The following CERT1 variants were observed in gnomAD, a reference collection of about 807,000 sequenced individuals.
The protein encoded by CERT1 is ceramide transporter 1, also known as ceramide transfer protein.
In CERT1, 31 loss-of-function variants were observed where a neutral mutation model predicts 87.9. The observed-to-expected ratio is 0.35, with a 90% confidence interval of 0.27 to 0.48. The LOEUF (loss-of-function observed/expected upper bound fraction) is 0.48, where lower values mean the gene tolerates loss of function less well. Ranked by LOEUF, CERT1 falls within the 20% of genes least tolerant of loss-of-function variation. The pLI, the probability that CERT1 is intolerant of heterozygous loss-of-function variation, is 0.99. For synonymous variants in CERT1, 289 were observed against 250.9 expected (o/e 1.15, Z -1.44); for missense variants, 487 against 758.0 (o/e 0.64, Z 4.20).
chr5:75,488,768 C>G (rs1399911782), intron 2 of CERT1, among the ~76,000 whole-genome samples: 1 of 152,222 alleles, frequency 6.6e-6, no homozygotes, highest in African/African-American at 2.4e-5. Context: ...TATATTTGAT[C>G]TAACAGTTTT....
At chr5:75,405,802 C>T (rs1275238929) in intron 8 of CERT1, among the ~76,000 whole-genome samples, 1 of 145,404 alleles carries the variant, frequency 6.9e-6, no homozygotes, top group Non-Finnish European at 1.5e-5. Flanking sequence ...CAGGTACATA[C>T]ATATAGGAAA....
rs1561317370 is a variant in CERT1 at position 75,511,323 on chromosome 5, G to A, written c.-116C>T. On this transcript the variant is annotated 5_prime_UTR_variant, in exon 1 of 17. Transcript: ENST00000643780. ...TGGCGAAGCGAAGAGTGCCCGCTCC[G>A]GTGTGGGGGGGAGCAGGAGGAGGGA... 1.9e-6 allele frequency: 3 copies of A among 1,547,894 alleles called. No homozygotes were observed. The highest frequency in any genetic ancestry group is 2.6e-6 in the Non-Finnish European group (3 of 1,146,404).
chr5:75,379,368 G>A lies in CERT1; in HGVS notation c.1853C>T (p.Ala618Val). The A allele has an allele frequency of 1.2e-6, 2 of 1,613,398 alleles. No individual in the cohort carries two copies. The highest frequency in any genetic ancestry group is 1.7e-6 in the Non-Finnish European group (2 of 1,179,490). The change falls in exon 17 of 17, where the codon GCA becomes GTA. Residue 618 changes from alanine (A) to valine (V), a missense_variant. Physicochemically the swap from Ala to Val is moderately conservative, Grantham distance 64. Coordinates refer to ENST00000643780, the MANE Select transcript of CERT1 (RefSeq NM_001379029.1). ...ATACTAGAACAAAATAGGCTTTCCT[G>A]CAGTTTTTTCTTGGACGTAAGAAGT... ...RFTSYVQEKT[A>V]GKPILF
chr5:75,424,077 C>G (rs1763499174), intron 5 of CERT1, among the ~76,000 whole-genome samples: 1 of 152,036 alleles, frequency 6.6e-6, no homozygotes, highest in African/African-American at 2.4e-5. Flanking sequence ...AGTGAAAAAG[C>G]TGAAGAACAA....
intron 2 of CERT1, among the ~76,000 whole-genome samples, chr5:75,460,612 C>T (rs1765184000): frequency 1.3e-5 from 2 of 152,174 alleles, no homozygotes; most frequent in Non-Finnish European, 1.5e-5. Flanking sequence ...AATATCCTCT[C>T]CTAAAAAGAT....
intron 11 of CERT1, among the ~76,000 whole-genome samples, chr5:75,391,435 CTAAA>C (rs1406768794): frequency 2.6e-5 from 4 of 152,124 alleles, no homozygotes; most frequent in African/African-American, 4.8e-5. Context: ...TACTTTTGTA[CTAAA>C]TAAACACTAA....
intron 11 of CERT1, among the ~76,000 whole-genome samples, chr5:75,392,050 T>C (rs1017845732): frequency 6.6e-6 from 1 of 152,208 alleles, no homozygotes; most frequent in Non-Finnish European, 1.5e-5. Flanking sequence ...GTTTGGGAGA[T>C]TATTCTGAAT....
intron 12 of CERT1, among the ~76,000 whole-genome samples, chr5:75,386,649 T>C (rs17562727): frequency 0.018 from 2,785 of 152,316 alleles, 40 homozygotes; most frequent in Non-Finnish European, 0.027. Context: ...CATGTCATCA[T>C]GGGGGAGAAC....
intron 2 of CERT1, among the ~76,000 whole-genome samples, chr5:75,470,307 T>C (rs1434386581): frequency 6.6e-6 from 1 of 152,134 alleles, no homozygotes; most frequent in East Asian, 1.9e-4. Context: ...ACAAAACAAA[T>C]CTTAACAAAT....
chr5:75,388,670 G>A, intron 12 of CERT1, among the ~76,000 whole-genome samples: 1 of 137,222 alleles, frequency 7.3e-6, no homozygotes, highest in Non-Finnish European at 1.6e-5. Context: ...TTGTGACCCA[G>A]GCTAGAGTGC....
At chr5:75,451,636 G>C (rs1371515208) in intron 3 of CERT1, among the ~76,000 whole-genome samples, 1 of 152,204 alleles carries the variant, frequency 6.6e-6, no homozygotes, top group African/African-American at 2.4e-5. Flanking sequence ...GATAAGTATA[G>C]AGAGGGTATC....
Position 75,419,530 on chromosome 5 carries a change from G to A in CERT1, c.596-106C>T, listed in dbSNP as rs1763284815. 5.4e-6 allele frequency: 4 copies of A among 741,024 alleles called. No individual in the cohort carries two copies. The Admixed American group carries it at 1.0e-4, about 18-fold the overall frequency. The allele number at this position is 741,024 out of a possible 1,614,324, so 45.9% of individuals were successfully genotyped here. The stretch of plus-strand genomic sequence containing the variant: ...TACTCTGGATTCTGATTCTGAGTAT[G>A]AAGTCTTACTCATCTTTGTATTTTC... On this transcript the variant is annotated intron_variant, in intron 5 of 16. Coordinates refer to ENST00000643780, the MANE Select transcript of CERT1 (RefSeq NM_001379029.1).
intron 2 of CERT1, among the ~76,000 whole-genome samples, chr5:75,489,333 A>C (rs1256316285): frequency 6.6e-6 from 1 of 152,260 alleles, no homozygotes; most frequent in Non-Finnish European, 1.5e-5. Context: ...GGACATAGGC[A>C]TTGGCAAAGG....
intron 8 of CERT1, among the ~76,000 whole-genome samples, chr5:75,405,872 TGGGG>T (rs141912723): frequency 1.7e-4 from 20 of 120,756 alleles, no homozygotes; most frequent in Admixed American, 9.5e-4. Context: ...CTGCAGTTAC[TGGGG>T]GGGGGGGGGG....
intron 8 of CERT1, 50 bp from the exon 9 acceptor site, chr5:75,403,108 A>G: frequency 1.7e-6 from 2 of 1,203,640 alleles, no homozygotes; most frequent in Non-Finnish European, 2.4e-6. Flanking sequence ...AAGAAACAGA[A>G]AACTCTGATA....
chr5:75,456,870 C>T (rs1011175190), intron 3 of CERT1, among the ~76,000 whole-genome samples: 2 of 151,944 alleles, frequency 1.3e-5, no homozygotes, highest in Non-Finnish European at 2.9e-5. Context: ...ATATATACTT[C>T]GTGCATTAAT....
chr5:75,471,174 T>C, intron 2 of CERT1, among the ~76,000 whole-genome samples: 1 of 152,166 alleles, frequency 6.6e-6, no homozygotes, highest in East Asian at 1.9e-4. Context: ...GGATGTGTTC[T>C]GAGAAATATG....
At chr5:75,412,404 C>A (rs537650044) in intron 7 of CERT1, among the ~76,000 whole-genome samples, 5 of 152,302 alleles carry the variant, frequency 3.3e-5, no homozygotes, top group Non-Finnish European at 5.9e-5. Flanking sequence ...AAAAACACTA[C>A]TCTGAAGAGC....
intron 3 of CERT1, among the ~76,000 whole-genome samples, chr5:75,431,852 T>C (rs1326469784): frequency 2.0e-5 from 3 of 152,156 alleles, no homozygotes; most frequent in Admixed American, 2.0e-4. Context: ...GTTTTTGCTA[T>C]TGTGAAAAAT....
Sources: gnomAD v4.1 joint callset for allele counts (sites outside exome capture counted in the v4.1 genomes callset) on GRCh38, gnomAD v4.1.1 for gene constraint, MANE v1.5 for transcripts, NCBI Gene and HGNC (gene_info 2026-07-23, HGNC 2026-07-21) for gene names.